The following PCDHA9 variants were observed in gnomAD, a reference collection of about 807,000 sequenced individuals.
PCDHA9 encodes the protein protocadherin alpha-9.
In PCDHA9, 62 loss-of-function variants were observed where a neutral mutation model predicts 62.0. That is an observed-to-expected ratio of 1.00 (90% confidence interval 0.81 to 1.23). The LOEUF (loss-of-function observed/expected upper bound fraction) is 1.23. PCDHA9 is among the 50% of genes most tolerant of loss of function. The pLI is 0.00. For missense variants in PCDHA9, 1,205 were observed against 1,249.8 expected (o/e 0.96, Z 0.54); for synonymous variants, 557 against 567.6 (o/e 0.98, Z 0.27).
chr5:140,879,078 A>G (rs1168166013), intron 1 of PCDHA9, among the ~76,000 whole-genome samples: 3 of 152,342 alleles, frequency 2.0e-5, no homozygotes, highest in African/African-American at 7.2e-5. Flanking sequence ...TAAGAGAGAT[A>G]AGTAGGAACA....
At chr5:140,863,510 T>G (rs782817870) in intron 1 of PCDHA9, 4 of 411,506 alleles carry the variant, frequency 9.7e-6, no homozygotes, top group Admixed American at 3.0e-5. Context: ...TTAGTCCTAG[T>G]GTTCTCCCAT....
intron 1 of PCDHA9, chr5:140,869,869 G>T: frequency 6.2e-7 from 1 of 1,610,244 alleles, no homozygotes; most frequent in Non-Finnish European, 8.5e-7. Flanking sequence ...GGAAAATGCT[G>T]CTAAAGAAAC....
chr5:140,928,428 C>T (rs1273911750), intron 1 of PCDHA9: 2 of 1,614,026 alleles, frequency 1.2e-6, no homozygotes, highest in Non-Finnish European at 8.5e-7. Flanking sequence ...CCAAAACTTC[C>T]TTTGACTTTG....
chr5:141,008,941 G>T, intron 3 of PCDHA9, among the ~76,000 whole-genome samples: 1 of 152,140 alleles, frequency 6.6e-6, no homozygotes, highest in East Asian at 1.9e-4. Context: ...TCTTGTTTTG[G>T]ACAAAATAGA....
At chr5:140,854,205 T>C (rs2043038740) in intron 1 of PCDHA9, 1 of 692,808 alleles carries the variant, frequency 1.4e-6, no homozygotes, top group East Asian at 1.3e-4. Flanking sequence ...CTACTTTTTA[T>C]TCAATATTGG....
Position 140,848,616 on chromosome 5 carries a change from C to T in PCDHA9, c.121C>T (p.His41Tyr), listed in dbSNP as rs1196599675. ...CTACTCCGTCCCGGAGGAAGCCGAA[C>T]ACGGCACCTTCGTGGGCCGCATCGC... ...LHYSVPEEAE[H>Y]GTFVGRIAQD... is the part of the protein sequence containing the mutation. The change falls in exon 1 of 4, where the codon CAC (histidine) becomes TAC (tyrosine). Residue 41 changes from histidine (H) to tyrosine (Y), a missense_variant. Transcript: ENST00000532602. 1.3e-5 allele frequency: 21 copies of T among 1,593,464 alleles called. 4 individuals carry two copies. The highest frequency in any genetic ancestry group is 1.8e-5 in the Non-Finnish European group (21 of 1,163,958).
intron 3 of PCDHA9, among the ~76,000 whole-genome samples, chr5:140,992,758 G>T (rs1160312796): frequency 6.6e-6 from 1 of 152,182 alleles, no homozygotes; most frequent in Non-Finnish European, 1.5e-5. Flanking sequence ...CTGTGTTGGG[G>T]ATAGGAGGGT....
At chr5:140,954,653 T>C (rs1467846481) in intron 1 of PCDHA9, among the ~76,000 whole-genome samples, 3 of 152,244 alleles carry the variant, frequency 2.0e-5, no homozygotes, top group Admixed American at 6.5e-5. Flanking sequence ...TTAAGTTCCT[T>C]GTAGACTCTG....
At chr5:140,911,474 C>T (rs782702993) in intron 1 of PCDHA9, among the ~76,000 whole-genome samples, 45 of 152,144 alleles carry the variant, frequency 3.0e-4, no homozygotes, top group Non-Finnish European at 2.8e-4. Flanking sequence ...ATAAGACTCT[C>T]ACTCAGGGCA....
At chr5:140,977,141 C>T (rs1264237183) in intron 1 of PCDHA9, among the ~76,000 whole-genome samples, 1 of 152,204 alleles carries the variant, frequency 6.6e-6, no homozygotes, top group Non-Finnish European at 1.5e-5. Flanking sequence ...GTCAGTCCTG[C>T]TGGAACTGTG....
intron 1 of PCDHA9, chr5:140,884,132 T>C: frequency 6.2e-7 from 1 of 1,613,400 alleles, no homozygotes; most frequent in South Asian, 1.1e-5. Context: ...GCGCATCCCG[T>C]TCCGCGTGGG....
chr5:140,948,461 A>G (rs2094256529), intron 1 of PCDHA9, among the ~76,000 whole-genome samples: 1 of 151,516 alleles, frequency 6.6e-6, no homozygotes, highest in Admixed American at 6.6e-5. Flanking sequence ...TCTTTTAGGG[A>G]AAGTTTCTGA....
At position 140,876,399 on chromosome 5, in the gene PCDHA9, T is replaced by C. The variant is rs141337647; in HGVS notation, c.2394+25510T>C. The C allele has an allele frequency of 1.9e-4, 306 of 1,613,906 alleles. 1 individual carries two copies. In the African/African-American group the frequency reaches 3.4e-3, roughly 18 times the overall value. On this transcript the variant is annotated intron_variant, in intron 1 of 3. Transcript: ENST00000532602. Reference sequence around the variant, plus strand: ...AAATTAGAATTTATGGTGAACTGGATTTTGAAGAGAATAATGCCTATGAAA... The same window carrying C: ...AAATTAGAATTTATGGTGAACTGGACTTTGAAGAGAATAATGCCTATGAAA...
intron 1 of PCDHA9, among the ~76,000 whole-genome samples, chr5:140,917,362 A>G (rs552053034): frequency 2.2e-4 from 32 of 142,394 alleles, no homozygotes; most frequent in Admixed American, 1.7e-3. Flanking sequence ...CTGTTCCACT[A>G]TCTTGCTCCA....
chr5:140,879,824 T>G (rs946010713), intron 1 of PCDHA9, among the ~76,000 whole-genome samples: 2 of 152,250 alleles, frequency 1.3e-5, no homozygotes, highest in Non-Finnish European at 2.9e-5. Context: ...TGGTGTTCCC[T>G]GGCTTGTGGC....
At chr5:140,931,057 T>C (rs1554208231) in intron 1 of PCDHA9, among the ~76,000 whole-genome samples, 1 of 152,196 alleles carries the variant, frequency 6.6e-6, no homozygotes, top group Admixed American at 6.5e-5. Context: ...CAATGCTGTG[T>C]CTGGGACTAA....
At chr5:140,923,714 A>G (rs1396629400) in intron 1 of PCDHA9, among the ~76,000 whole-genome samples, 7 of 152,250 alleles carry the variant, frequency 4.6e-5, no homozygotes, top group African/African-American at 1.4e-4. Context: ...TACTTGAATA[A>G]GAATGCAATG....
rs782444555 is a variant in PCDHA9, at chr5:140,883,708, G to C, written c.2394+32819G>C. 1.2e-6 allele frequency: 2 copies of C among 1,613,664 alleles called. No homozygotes were observed. The highest frequency in any genetic ancestry group is 1.7e-6 in the Non-Finnish European group (2 of 1,179,838). On this transcript the variant is annotated intron_variant, in intron 1 of 3. Coordinates refer to ENST00000532602, the MANE Select transcript of PCDHA9 (RefSeq NM_031857.2). ...GCCACATCTTCACGGTGTCTGCTCA[G>C]GACGCGGACGCACAGGAGAACGCGC...
rs200002785 is a variant in PCDHA9, at chr5:140,870,350, A to G, written c.2394+19461A>G. On this transcript the variant is annotated intron_variant, in intron 1 of 3. Transcript: ENST00000532602. ...CTGGACAGCGCCCTGGACCGCGAGA[A>G]CGTGTGGGCCTATGAACTGGTGGTG... 1.1e-4 allele frequency: 183 copies of G among 1,614,052 alleles called. 1 individual carries two copies. Among genetic ancestry groups the G allele is most frequent in the Middle Eastern group, 3.3e-4 (2 of 6,084 alleles).
Sources: allele counts gnomAD v4.1 joint callset (sites outside exome capture counted in the v4.1 genomes callset), GRCh38; gene constraint gnomAD v4.1.1; transcripts MANE v1.5; gene names NCBI Gene and HGNC (gene_info 2026-07-23, HGNC 2026-07-21).